The following SLC25A48 variants were observed in gnomAD, a reference collection of about 807,000 sequenced individuals.
The protein encoded by SLC25A48 is CTC-321K16.1.
A neutral mutation model predicts 32.2 loss-of-function variants in SLC25A48; 29 were observed. That is an observed-to-expected ratio of 0.90 (90% CI 0.67 to 1.23). The LOEUF (loss-of-function observed/expected upper bound fraction) is 1.23. Ranked by LOEUF, SLC25A48 falls within the 50% of genes most tolerant of loss-of-function variation. The probability of loss-of-function intolerance (pLI) is 0.00; values close to 1 mark genes in which losing one functional copy is unlikely to be tolerated. For synonymous variants in SLC25A48, 164 were observed against 172.3 expected (o/e 0.95, Z 0.38); for missense variants, 399 against 422.7 (o/e 0.94, Z 0.49).
chr5:135,644,272 G>A (rs1180904742), intron 3 of SLC25A48, among the ~76,000 whole-genome samples: 12 of 152,114 alleles, frequency 7.9e-5, no homozygotes, highest in African/African-American at 2.9e-4. Flanking sequence ...AGCCTAATAT[G>A]GTGGGAACCT....
At chr5:135,786,632 A>G (rs1756855263) in intron 3 of SLC25A48, among the ~76,000 whole-genome samples, 1 of 151,922 alleles carries the variant, frequency 6.6e-6, no homozygotes, top group African/African-American at 2.4e-5. Flanking sequence ...CCCTAGTGAT[A>G]CTAATTGTAA....
In SLC25A48 at chr5:135,868,878, T is replaced by C. The variant is rs542800390; in HGVS notation, c.422-2583T>C. Among the ~76,000 whole-genome samples, 69 of 152,296 alleles carry C rather than the reference T, an allele frequency of 4.5e-4. 1 individual carries two copies. Among genetic ancestry groups the C allele is most frequent in the Admixed American group, 7.2e-4 (11 of 15,300 alleles). On this transcript the variant is annotated intron_variant, in intron 4 of 7. Transcript: ENST00000681962. ...ACTCCTGAAAGCCACATCATACCCA[T>C]AGCTGATTCATGAAAACCTTGACTC... is the stretch of plus-strand genomic sequence containing the variant.
chr5:135,771,672 G>A (rs896002376), intron 3 of SLC25A48, among the ~76,000 whole-genome samples: 1 of 151,564 alleles, frequency 6.6e-6, no homozygotes, highest in African/African-American at 2.4e-5. Context: ...GGAGGAAGAG[G>A]GTGATATTAC....
intron 3 of SLC25A48, among the ~76,000 whole-genome samples, chr5:135,683,685 G>T (rs76331028): frequency 6.6e-6 from 1 of 152,108 alleles, no homozygotes; most frequent in Non-Finnish European, 1.5e-5. Flanking sequence ...TCCCACCATC[G>T]TCAAACTGCC....
At chr5:135,651,308 A>T (rs1292218583) in intron 3 of SLC25A48, among the ~76,000 whole-genome samples, 1 of 152,034 alleles carries the variant, frequency 6.6e-6, no homozygotes, top group Non-Finnish European at 1.5e-5. Flanking sequence ...CTCCCTCTCA[A>T]CCATGTCCTC....
At chr5:135,783,413 CT>C (rs1442638930) in intron 3 of SLC25A48, among the ~76,000 whole-genome samples, 1 of 117,578 alleles carries the variant, frequency 8.5e-6, no homozygotes, top group East Asian at 2.1e-4. Flanking sequence ...CACCATCCCC[CT>C]GTGTGATTGT....
intron 3 of SLC25A48, among the ~76,000 whole-genome samples, chr5:135,686,848 A>T (rs1256951954): frequency 6.6e-6 from 1 of 152,178 alleles, no homozygotes; most frequent in African/African-American, 2.4e-5. Context: ...GAACTGATGG[A>T]TAGACAAGGT....
intron 3 of SLC25A48, among the ~76,000 whole-genome samples, chr5:135,750,704 G>A (rs1165443218): frequency 6.6e-6 from 1 of 152,110 alleles, no homozygotes; most frequent in African/African-American, 2.4e-5. Flanking sequence ...CCCCCAGGTG[G>A]TAGACTGGTA....
intron 7 of SLC25A48, among the ~76,000 whole-genome samples, chr5:135,887,609 A>ATCG (rs1762782855): frequency 6.6e-6 from 1 of 152,086 alleles, no homozygotes; most frequent in Non-Finnish European, 1.5e-5. Context: ...GGAGTGCACG[A>ATCG]TCTTGGCCCT....
At chr5:135,758,368 C>G (rs1755974771) in intron 3 of SLC25A48, among the ~76,000 whole-genome samples, 1 of 150,652 alleles carries the variant, frequency 6.6e-6, no homozygotes, top group African/African-American at 2.4e-5. Context: ...TACAATATCT[C>G]TAGTGTTAAC....
intron 1 of SLC25A48, among the ~76,000 whole-genome samples, chr5:135,625,312 G>A (rs1420966533): frequency 1.3e-5 from 2 of 152,182 alleles, no homozygotes; most frequent in Non-Finnish European, 2.9e-5. Flanking sequence ...GTGCTGTGAA[G>A]ATGGAGGGGC....
At chr5:135,623,042 C>G (rs1752362367) in intron 1 of SLC25A48, among the ~76,000 whole-genome samples, 1 of 152,132 alleles carries the variant, frequency 6.6e-6, no homozygotes, top group Admixed American at 6.5e-5. Context: ...CTGCAGACTC[C>G]CCTCCACTGG....
chr5:135,781,152 C>T (rs1162837758), intron 3 of SLC25A48, among the ~76,000 whole-genome samples: 5 of 115,918 alleles, frequency 4.3e-5, no homozygotes, highest in African/African-American at 1.0e-4. Flanking sequence ...TGATATTGTT[C>T]CTAATATTCA....
chr5:135,591,046 T>C (rs1751513988), intron 1 of SLC25A48, among the ~76,000 whole-genome samples: 1 of 152,210 alleles, frequency 6.6e-6, no homozygotes, highest in Non-Finnish European at 1.5e-5. Flanking sequence ...GGCACTCAGG[T>C]AGGAGCCTCC....
At chr5:135,594,001 T>C (rs1751587615) in intron 1 of SLC25A48, among the ~76,000 whole-genome samples, 1 of 152,210 alleles carries the variant, frequency 6.6e-6, no homozygotes, top group African/African-American at 2.4e-5. Flanking sequence ...TGGCACAGTA[T>C]CTGATACACA....
intron 3 of SLC25A48, among the ~76,000 whole-genome samples, chr5:135,766,119 CT>C: frequency 1.3e-5 from 2 of 151,914 alleles, no homozygotes; most frequent in Admixed American, 1.3e-4. Flanking sequence ...GTACAGCCCC[CT>C]GTGATATGAT....
chr5:135,736,914 G>A (rs1718749839), intron 3 of SLC25A48, among the ~76,000 whole-genome samples: 1 of 152,126 alleles, frequency 6.6e-6, no homozygotes, highest in South Asian at 2.1e-4. Flanking sequence ...AGAGAGGGAG[G>A]AGAAGAGAAT....
intron 3 of SLC25A48, among the ~76,000 whole-genome samples, chr5:135,661,138 C>G (rs1753385513): frequency 6.6e-6 from 1 of 152,180 alleles, no homozygotes. Flanking sequence ...CTGCTTCCTA[C>G]AGGAAGAGGC....
intron 3 of SLC25A48, among the ~76,000 whole-genome samples, chr5:135,746,053 C>T (rs56122016): frequency 0.46 from 69,674 of 151,926 alleles, 16,870 homozygotes; most frequent in Non-Finnish European, 0.54. Flanking sequence ...CAGTCCTCCT[C>T]CCTGTCACTC....
Sources: allele counts gnomAD v4.1 joint callset (sites outside exome capture counted in the v4.1 genomes callset), GRCh38; gene constraint gnomAD v4.1.1; transcripts MANE v1.5; gene names NCBI Gene and HGNC (gene_info 2026-07-23, HGNC 2026-07-21).